Variants in IPPK observed in about 807,000 individuals in gnomAD.
IPPK encodes the protein IPK1 homolog.
Under a neutral mutation model 64.6 loss-of-function variants are expected in IPPK, and 22 were observed. That is an observed-to-expected ratio of 0.34 (90% CI 0.24 to 0.49). The LOEUF (loss-of-function observed/expected upper bound fraction) is 0.49, where lower values mean the gene tolerates loss of function less well. Among genes scored for constraint, IPPK ranks in the 20% least tolerant of loss-of-function variants. IPPK has a pLI of 0.99. For missense variants in IPPK, 532 were observed against 630.7 expected, an observed-to-expected ratio of 0.84 and a Z score of 1.68; for synonymous variants, 262 against 247.2, an observed-to-expected ratio of 1.06 and a Z score of -0.56.
intron 9 of IPPK, among the ~76,000 whole-genome samples, 171 bp downstream of exon 9, chr9:92,637,830 C>T (rs1049515549): frequency 5.9e-5 from 9 of 152,224 alleles, no homozygotes; most frequent in African/African-American, 2.2e-4. Context: ...AGGGAGTCTG[C>T]ATCTGGGGGT....
At chr9:92,660,343 C>T (rs1315843833) in intron 1 of IPPK, among the ~76,000 whole-genome samples, 2 of 152,334 alleles carry the variant, frequency 1.3e-5, no homozygotes, top group African/African-American at 4.8e-5. Context: ...CATGAAATCC[C>T]TGATCAGTGT....
intron 1 of IPPK, among the ~76,000 whole-genome samples, chr9:92,660,191 G>C (rs1191114482): frequency 6.6e-6 from 1 of 152,188 alleles, no homozygotes; most frequent in Admixed American, 6.5e-5. Context: ...ATTCGAGTGT[G>C]CCTGACCCGC....
chr9:92,655,433 T>C (rs936308672), intron 3 of IPPK, among the ~76,000 whole-genome samples: 1 of 152,128 alleles, frequency 6.6e-6, no homozygotes, highest in Non-Finnish European at 1.5e-5. Context: ...ACAGGCGGCC[T>C]TGTGGGTTGA....
chr9:92,618,161 TC>T (rs1285328056), intron 12 of IPPK: 1 of 451,030 alleles, frequency 2.2e-6, no homozygotes, highest in Non-Finnish European at 4.5e-6. Context: ...CACGCCATGT[TC>T]TCGGAGGAGA....
Position 92,635,146 on chromosome 9 carries a change from G to A in IPPK, c.1067+12C>T, listed in dbSNP as rs770216142. The A allele has an allele frequency of 1.4e-5, 22 of 1,606,026 alleles. No individual in the cohort carries two copies. Among genetic ancestry groups the A allele is most frequent in the Non-Finnish European group, 1.7e-5 (20 of 1,174,898 alleles). On this transcript the variant is annotated intron_variant, in intron 10 of 12. Transcript: ENST00000287996. The surrounding 1 kb of genome is among the most constrained non-coding windows in gnomAD (Gnocchi z 4.4). Reference sequence around the variant, plus strand: ...CTCAGGGCTGCCCAACAGGGGGACCGCCCGACCTCACCTCTCCTCGGGAAA... The same window carrying A: ...CTCAGGGCTGCCCAACAGGGGGACCACCCGACCTCACCTCTCCTCGGGAAA...
chr9:92,624,220 C>G (rs1851694837), intron 11 of IPPK, among the ~76,000 whole-genome samples: 1 of 152,162 alleles, frequency 6.6e-6, no homozygotes, highest in Non-Finnish European at 1.5e-5. Flanking sequence ...GTGGTTCACA[C>G]CTGTAATCCA....
intron 11 of IPPK, among the ~76,000 whole-genome samples, chr9:92,626,055 G>C (rs1288042839): frequency 6.6e-6 from 1 of 152,054 alleles, no homozygotes; most frequent in Admixed American, 6.6e-5. Flanking sequence ...AAAATACCAA[G>C]GAGATGTGAA....
chr9:92,627,059 T>C (rs1348724587), intron 11 of IPPK, among the ~76,000 whole-genome samples: 3 of 152,012 alleles, frequency 2.0e-5, no homozygotes, highest in Non-Finnish European at 4.4e-5. Context: ...TAAAGAATAT[T>C]CTTCAAGAAG....
At chr9:92,664,042 G>A (rs1331150987) in intron 1 of IPPK, among the ~76,000 whole-genome samples, 1 of 152,202 alleles carries the variant, frequency 6.6e-6, no homozygotes, top group African/African-American at 2.4e-5. Flanking sequence ...TGCCCTCCCT[G>A]TAGACCCTCC....
chr9:92,660,748 T>C (rs1009638044), intron 1 of IPPK, among the ~76,000 whole-genome samples: 4 of 152,230 alleles, frequency 2.6e-5, no homozygotes, highest in Non-Finnish European at 4.4e-5. Flanking sequence ...TGCCCCTCTG[T>C]TGCCAGGAAA....
chr9:92,664,383 A>C (rs796305268), intron 1 of IPPK, among the ~76,000 whole-genome samples: 3 of 152,368 alleles, frequency 2.0e-5, no homozygotes, highest in African/African-American at 7.2e-5. Flanking sequence ...AAGAGCAGGG[A>C]GGCCAGACTG....
rs1395109719 is a variant in IPPK, at chr9:92,614,484, G to GTATC, written c.*1344_*1347dup. ...ACAGTAAAAGTGTCCAGTTAGATAA[G>GTATC]TATCTTTTTGCACCTCTGAGAGTAG... On this transcript the variant is annotated 3_prime_UTR_variant, in exon 13 of 13. Transcript: ENST00000287996. 2 of 152,640 alleles carry GTATC rather than the reference G, an allele frequency of 1.3e-5. No homozygotes were observed. Among genetic ancestry groups the GTATC allele is most frequent in the South Asian group, 2.1e-4 (1 of 4,834 alleles). 9.5% of individuals were successfully genotyped at this position (152,640 alleles called of 1,614,324 possible).
chr9:92,619,211 T>C (rs565112268), intron 12 of IPPK: 90 of 395,674 alleles, frequency 2.3e-4, no homozygotes, highest in African/African-American at 1.7e-3. Context: ...ACATTGTTTC[T>C]GAGCTCTTGG....
rs1306530549 is a variant in IPPK, at chr9:92,614,533, T to C, written c.*1299A>G. 1.3e-5 allele frequency: 2 copies of C among 152,632 alleles called. No homozygotes were observed. Among genetic ancestry groups the C allele is most frequent in the Non-Finnish European group, 2.9e-5 (2 of 68,038 alleles). 9.5% of individuals were successfully genotyped at this position (152,632 alleles called of 1,614,324 possible). A position where few individuals can be genotyped will look rare whatever the true frequency, so the allele number is the denominator to read the frequency against. ...AGAATTAGAAGTAAATATGACAGAA[T>C]TGAACAATAAATTCTAGAAGAGTTG... On this transcript the variant is annotated 3_prime_UTR_variant, in exon 13 of 13. Coordinates refer to ENST00000287996, the MANE Select transcript of IPPK (RefSeq NM_022755.6).
At chr9:92,647,932 G>A in intron 6 of IPPK, 127 bp downstream of exon 6, 1 of 637,906 alleles carries the variant, frequency 1.6e-6, no homozygotes, top group South Asian at 2.0e-5. Flanking sequence ...ATCACTTTGT[G>A]AAATAAAATG....
At chr9:92,626,478 G>T (rs1302249486) in intron 11 of IPPK, among the ~76,000 whole-genome samples, 1 of 152,098 alleles carries the variant, frequency 6.6e-6, no homozygotes, top group Non-Finnish European at 1.5e-5. Context: ...ATGAATCAAT[G>T]AACTGGAAGA....
At chr9:92,650,488 GACA>G (rs985470359) in intron 4 of IPPK, among the ~76,000 whole-genome samples, 5 of 152,060 alleles carry the variant, frequency 3.3e-5, no homozygotes, top group Admixed American at 1.3e-4. Flanking sequence ...GAAAACTCTG[GACA>G]ACAATGCCTG....
At position 92,642,682 on chromosome 9, in the gene IPPK, G is replaced by A; in HGVS notation, c.563+70C>T. 3.8e-6 allele frequency: 5 copies of A among 1,329,026 alleles called. No homozygotes were observed. In the South Asian group the frequency reaches 5.9e-5, roughly 16 times the overall value. 82.3% of individuals were successfully genotyped at this position (1,329,026 alleles called of 1,614,324 possible). A position where few individuals can be genotyped will look rare whatever the true frequency, so the allele number is the denominator to read the frequency against. On this transcript the variant is annotated intron_variant, in intron 7 of 12. Coordinates refer to ENST00000287996, the MANE Select transcript of IPPK (RefSeq NM_022755.6). ...TACCTCACGAAATACCCCCCACCAG[G>A]CACTGGCCCCCGCCCTACCCATCTC... is the stretch of plus-strand genomic sequence containing the variant.
intron 7 of IPPK, among the ~76,000 whole-genome samples, chr9:92,642,289 G>A (rs1852065897): frequency 6.6e-6 from 1 of 152,274 alleles, no homozygotes; most frequent in Non-Finnish European, 1.5e-5. Flanking sequence ...GGGGAGCGTG[G>A]AGGCAGGCCA....
Sources: allele counts gnomAD v4.1 joint callset (sites outside exome capture counted in the v4.1 genomes callset), GRCh38; gene constraint gnomAD v4.1.1; non-coding constraint Gnocchi (gnomAD v3.1); transcripts MANE v1.5; gene names NCBI Gene and HGNC (gene_info 2026-07-23, HGNC 2026-07-21).